The following N4BP2 variants were observed in gnomAD, a reference collection of about 807,000 sequenced individuals.
N4BP2 encodes NEDD4-binding protein 2.
A neutral mutation model predicts 152.8 loss-of-function variants in N4BP2; 91 were observed. The observed-to-expected ratio is 0.60, with a 90% confidence interval of 0.50 to 0.71. The LOEUF (loss-of-function observed/expected upper bound fraction) is 0.71. Among genes scored for constraint, N4BP2 ranks in the 30% least tolerant of loss-of-function variants. The pLI is 0.00. For missense variants in N4BP2, 1,923 were observed against 2,059.1 expected, an observed-to-expected ratio of 0.93 and a Z score of 1.28; for synonymous variants, 646 against 705.3, an observed-to-expected ratio of 0.92 and a Z score of 1.33.
intron 12 of N4BP2, among the ~76,000 whole-genome samples, chr4:40,126,931 G>A (rs1302635528): frequency 6.7e-6 from 1 of 150,140 alleles, no homozygotes; most frequent in Non-Finnish European, 1.5e-5. Flanking sequence ...CTAATTTTTA[G>A]TAATTTTAGT....
chr4:40,065,047 C>T (rs1486051788), intron 1 of N4BP2, among the ~76,000 whole-genome samples: 4 of 152,136 alleles, frequency 2.6e-5, no homozygotes, highest in East Asian at 1.9e-4. Context: ...GGATTACAAG[C>T]GTGAGCCACT....
chr4:40,113,364 T>C, intron 6 of N4BP2, 68 bp from the exon 7 acceptor site: 1 of 1,198,494 alleles, frequency 8.3e-7, no homozygotes, highest in Non-Finnish European at 1.2e-6. Flanking sequence ...TGCTATATAT[T>C]TGGAAACAAT....
At chr4:40,184,429 C>G in the N4BP2 span, among the ~76,000 whole-genome samples, 3 of 151,406 alleles carry the variant, frequency 2.0e-5, no homozygotes, top group Admixed American at 6.6e-5. Context: ...ATTAGAGAAT[C>G]ACTGAAGAGA....
chr4:40,114,183 T>G (rs1717152365), intron 7 of N4BP2, among the ~76,000 whole-genome samples: 1 of 152,206 alleles, frequency 6.6e-6, no homozygotes, highest in Non-Finnish European at 1.5e-5. Context: ...TTGTTTTGCT[T>G]TGTGTTCTAT....
At chr4:40,127,878 G>C (rs975033209) in intron 12 of N4BP2, among the ~76,000 whole-genome samples, 1 of 152,116 alleles carries the variant, frequency 6.6e-6, no homozygotes, top group Non-Finnish European at 1.5e-5. Flanking sequence ...AGCCAGGATG[G>C]TCTTGATCTC....
Position 40,137,089 on chromosome 4 carries a change from A to G in N4BP2, c.4785+7A>G. The G allele has an allele frequency of 1.9e-6, 3 of 1,595,990 alleles. No individual in the cohort carries two copies. The highest frequency in any genetic ancestry group is 2.6e-6 in the Non-Finnish European group (3 of 1,172,006). On this transcript the variant is annotated splice_region_variant and intron_variant, in intron 14 of 17. Transcript: ENST00000261435. ...GAAGTCTAAAGAGAAAAAGGTATGGAGTTACTAATTTTTTTTCTACAAGGG... is the reference window on the plus strand; with the variant it reads ...GAAGTCTAAAGAGAAAAAGGTATGGGGTTACTAATTTTTTTTCTACAAGGG...
chr4:40,071,862 G>A lies in N4BP2; in HGVS notation c.-211-1593G>A, dbSNP rs557079758. Reference sequence around the variant, plus strand: ...ATTATAGGTGTGAGCCACTGCCCCCGGCCTCAAATTTCTTTTTTTAAAAAA... The same window carrying A: ...ATTATAGGTGTGAGCCACTGCCCCCAGCCTCAAATTTCTTTTTTTAAAAAA... On this transcript the variant is annotated intron_variant, in intron 1 of 17. Transcript: ENST00000261435. 1.1e-4 allele frequency among the ~76,000 whole-genome samples: 16 copies of A among 151,936 alleles called. No individual in the cohort carries two copies. In the South Asian group the frequency reaches 3.1e-3, roughly 30 times the overall value.
At chr4:40,139,592 A>G (rs1324858204) in intron 14 of N4BP2, among the ~76,000 whole-genome samples, 1 of 149,812 alleles carries the variant, frequency 6.7e-6, no homozygotes, top group Non-Finnish European at 1.5e-5. Flanking sequence ...TCTGAGTTCA[A>G]GTGATTCTCC....
the N4BP2 span, among the ~76,000 whole-genome samples, chr4:40,175,304 TG>T: frequency 7.1e-6 from 1 of 140,794 alleles, no homozygotes; most frequent in African/African-American, 2.7e-5. Context: ...ATTATAGGCA[TG>T]AGCCACCAAG....
At chr4:40,068,892 G>A (rs1402997852) in intron 1 of N4BP2, among the ~76,000 whole-genome samples, 1 of 152,144 alleles carries the variant, frequency 6.6e-6, no homozygotes, top group Non-Finnish European at 1.5e-5. Flanking sequence ...ACCGAGGCAG[G>A]TGGATCACTT....
At chr4:40,119,888 C>A in intron 8 of N4BP2, 44 bp from the exon 9 acceptor site, 1 of 894,142 alleles carries the variant, frequency 1.1e-6, no homozygotes, top group Non-Finnish European at 1.7e-6. Flanking sequence ...TTGATGGCAG[C>A]ATTAAGAGAC....
chr4:40,139,466 G>A (rs1456856080), intron 14 of N4BP2, among the ~76,000 whole-genome samples: 3 of 141,874 alleles, frequency 2.1e-5, no homozygotes, highest in Non-Finnish European at 3.1e-5. Context: ...TGGGTTTTTT[G>A]TATTAATTTT....
chr4:40,062,687 T>C (rs1382209782), intron 1 of N4BP2, among the ~76,000 whole-genome samples: 2 of 152,094 alleles, frequency 1.3e-5, no homozygotes, highest in Non-Finnish European at 2.9e-5. Context: ...TATTTCTCCC[T>C]GAAGGGGTCA....
chr4:40,059,064 A>T (rs1733450390), intron 1 of N4BP2, among the ~76,000 whole-genome samples: 1 of 151,974 alleles, frequency 6.6e-6, no homozygotes, highest in African/African-American at 2.4e-5. Flanking sequence ...CAAGCAATCC[A>T]ACTGCCTCCG....
chr4:40,068,808 C>G (rs867146790), intron 1 of N4BP2, among the ~76,000 whole-genome samples: 21 of 152,262 alleles, frequency 1.4e-4, no homozygotes, highest in African/African-American at 4.1e-4. Context: ...GGATCCTTCT[C>G]ATAATTTTTA....
chr4:40,104,166 A>G (rs1279223790), intron 4 of N4BP2, among the ~76,000 whole-genome samples: 1 of 151,250 alleles, frequency 6.6e-6, no homozygotes, highest in Non-Finnish European at 1.5e-5. Context: ...GTTAGCCAGG[A>G]TGGTCTCGAT....
intron 16 of N4BP2, among the ~76,000 whole-genome samples, chr4:40,145,246 C>G (rs1720409749): frequency 6.6e-6 from 1 of 151,188 alleles, no homozygotes; most frequent in Non-Finnish European, 1.5e-5. Flanking sequence ...TTTTCTGAGA[C>G]ATAATCTCAC....
intron 16 of N4BP2, among the ~76,000 whole-genome samples, chr4:40,147,028 C>A (rs1273322872): frequency 1.3e-5 from 2 of 149,652 alleles, no homozygotes; most frequent in Admixed American, 1.3e-4. Flanking sequence ...GAACAAAGGT[C>A]TCTGGTTTTC....
Position 40,155,251 on chromosome 4 carries a change from G to A in N4BP2, c.*1014G>A, listed in dbSNP as rs1401850976. On this transcript the variant is annotated 3_prime_UTR_variant, in exon 18 of 18. Coordinates refer to ENST00000261435, the MANE Select transcript of N4BP2 (RefSeq NM_018177.6). The stretch of plus-strand genomic sequence containing the variant: ...TATTAAAAATACAAAAATTAGCTGG[G>A]TGTGGTGGCGTGTGCCTGTAATCCC... 3 of 152,094 alleles carry A rather than the reference G, an allele frequency of 2.0e-5. No individual in the cohort carries two copies. Among genetic ancestry groups the A allele is most frequent in the African/African-American group, 7.2e-5 (3 of 41,380 alleles). 9.4% of individuals were successfully genotyped at this position (152,094 alleles called of 1,614,324 possible). A position where few individuals can be genotyped will look rare whatever the true frequency, so the allele number is the denominator to read the frequency against.
Sources: gnomAD v4.1 joint callset for allele counts (sites outside exome capture counted in the v4.1 genomes callset) on GRCh38, gnomAD v4.1.1 for gene constraint, MANE v1.5 for transcripts, NCBI Gene and HGNC (gene_info 2026-07-23, HGNC 2026-07-21) for gene names.